MERTK: variants seen among roughly 807,000 people sequenced by gnomAD.
The protein encoded by MERTK is MER proto-oncogene, tyrosine kinase, also known as tyrosine-protein kinase Mer.
MERTK carries 69 observed loss-of-function variants against 99.3 expected under a neutral mutation model. That is an observed-to-expected ratio of 0.70 (90% CI 0.57 to 0.85). MERTK has a LOEUF of 0.85. Ranked by LOEUF, MERTK falls within the 40% of genes least tolerant of loss-of-function variation. MERTK has a pLI of 0.00. For missense variants in MERTK, 1,125 were observed against 1,249.4 expected (o/e 0.90, Z 1.50); for synonymous variants, 426 against 467.6 (o/e 0.91, Z 1.15).
intron 13 of MERTK, among the ~76,000 whole-genome samples, chr2:112,004,747 T>C (rs1246699507): frequency 6.6e-6 from 1 of 151,984 alleles, no homozygotes; most frequent in African/African-American, 2.4e-5. Flanking sequence ...CCGTCTCCAC[T>C]AAAAATACAA....
chr2:112,004,293 A>G (rs1313880093), intron 13 of MERTK, among the ~76,000 whole-genome samples: 1 of 151,724 alleles, frequency 6.6e-6, no homozygotes, highest in East Asian at 1.9e-4. Flanking sequence ...AGAGCTAACA[A>G]CTCCAAAGTA....
chr2:111,940,078 A>G (rs1684833835), intron 2 of MERTK, among the ~76,000 whole-genome samples: 1 of 151,122 alleles, frequency 6.6e-6, no homozygotes, highest in South Asian at 2.1e-4. Flanking sequence ...CCTGTTTCCT[A>G]GAGCCCAGGT....
chr2:111,960,122 C>G (rs1685218079), intron 4 of MERTK, among the ~76,000 whole-genome samples: 1 of 152,096 alleles, frequency 6.6e-6, no homozygotes, highest in African/African-American at 2.4e-5. Flanking sequence ...AGTCTCTTGA[C>G]CATATTTTGA....
chr2:111,913,125 A>G (rs1684283309), intron 1 of MERTK: 7 of 966,880 alleles, frequency 7.2e-6, no homozygotes, highest in Non-Finnish European at 8.6e-6. Context: ...TATTGAACAT[A>G]GATTTGTAAC....
At chr2:111,988,974 T>C (rs910350416) in intron 8 of MERTK, among the ~76,000 whole-genome samples, 1 of 152,080 alleles carries the variant, frequency 6.6e-6, no homozygotes, top group African/African-American at 2.4e-5. Flanking sequence ...AAAGATAATA[T>C]GCTCAATTTT....
At chr2:111,964,745 A>C (rs1045708224) in intron 4 of MERTK, among the ~76,000 whole-genome samples, 2 of 152,212 alleles carry the variant, frequency 1.3e-5, no homozygotes, top group Non-Finnish European at 2.9e-5. Flanking sequence ...GATTCATTAC[A>C]ACACATCATC....
At chr2:111,911,368 A>G (rs1192745608) in intron 1 of MERTK, among the ~76,000 whole-genome samples, 1 of 151,650 alleles carries the variant, frequency 6.6e-6, no homozygotes, top group African/African-American at 2.4e-5. Flanking sequence ...TATTTATCCA[A>G]TCTCCTCCTT....
At chr2:111,980,412 C>CTTTTTTTTTTT (rs34831521) in intron 7 of MERTK, among the ~76,000 whole-genome samples, 2 of 100,978 alleles carry the variant, frequency 2.0e-5, no homozygotes, top group African/African-American at 7.5e-5. Flanking sequence ...GCAACTATTT[C>CTTTTTTTTTTT]TTTTTTTTTT....
At chr2:111,954,538 G>A (rs1685114132) in intron 4 of MERTK, among the ~76,000 whole-genome samples, 1 of 152,206 alleles carries the variant, frequency 6.6e-6, no homozygotes, top group African/African-American at 2.4e-5. Flanking sequence ...GTGAATGAAT[G>A]AATGAACTAA....
At chr2:111,978,028 C>T (rs1163103684) in intron 7 of MERTK, among the ~76,000 whole-genome samples, 1 of 151,962 alleles carries the variant, frequency 6.6e-6, no homozygotes, top group East Asian at 1.9e-4. Flanking sequence ...CAGTCTTGAA[C>T]TCCTGGCTTA....
chr2:111,935,427 A>C (rs1387494039), intron 2 of MERTK, among the ~76,000 whole-genome samples: 1 of 152,156 alleles, frequency 6.6e-6, no homozygotes, highest in African/African-American at 2.4e-5. Context: ...AACTGGCACC[A>C]GGACTGGGGG....
At chr2:111,908,049 G>T (rs1684168209) in intron 1 of MERTK, among the ~76,000 whole-genome samples, 1 of 152,194 alleles carries the variant, frequency 6.6e-6, no homozygotes, top group Non-Finnish European at 1.5e-5. Flanking sequence ...CTTGGGCAGT[G>T]GTGGGGAGCC....
chr2:112,021,254 G>A (rs1558810652), intron 16 of MERTK, 168 bp from the exon 17 acceptor site: 1 of 393,928 alleles, frequency 2.5e-6, no homozygotes, highest in Non-Finnish European at 3.5e-6. Context: ...TCTGCTGTTG[G>A]TCCTCACTTG....
At chr2:111,929,790 G>A (rs1684638327) in intron 2 of MERTK, among the ~76,000 whole-genome samples, 1 of 147,484 alleles carries the variant, frequency 6.8e-6, no homozygotes, top group South Asian at 2.1e-4. Flanking sequence ...TTGTAGAGAT[G>A]AGGTTTCACC....
intron 2 of MERTK, among the ~76,000 whole-genome samples, chr2:111,939,565 C>G (rs1346754246): frequency 1.3e-5 from 2 of 151,324 alleles, no homozygotes; most frequent in African/African-American, 4.9e-5. Flanking sequence ...ACTGCAGCCT[C>G]AAATTCTTGG....
chr2:111,998,023 G>GTA (rs1676789104), intron 10 of MERTK, among the ~76,000 whole-genome samples: 1 of 152,214 alleles, frequency 6.6e-6, no homozygotes, highest in African/African-American at 2.4e-5. Context: ...AGTGAGGGGT[G>GTA]TATGGCTATA....
At position 111,921,751 on chromosome 2, in the gene MERTK, G is replaced by A. The variant is rs577817521; in HGVS notation, c.62-7369G>A. Among the ~76,000 whole-genome samples the A allele has an allele frequency of 8.6e-4, 131 of 152,098 alleles. 1 individual carries two copies. The highest frequency in any genetic ancestry group is 2.8e-3 in the African/African-American group (117 of 41,476). On this transcript the variant is annotated intron_variant, in intron 1 of 18. Coordinates refer to ENST00000295408, the MANE Select transcript of MERTK (RefSeq NM_006343.3). ...TCTTTTGCAGCCTCCTCTGGGCCTCGTTTTTCTTTTATTTCTATTTTTGGT... is the reference window on the plus strand; with the variant it reads ...TCTTTTGCAGCCTCCTCTGGGCCTCATTTTTCTTTTATTTCTATTTTTGGT...
In MERTK at chr2:111,966,617, A is replaced by G. The variant is rs1394077003; in HGVS notation, c.844+1340A>G. Among the ~76,000 whole-genome samples, 11 of 152,282 alleles carry G rather than the reference A, an allele frequency of 7.2e-5. No homozygotes were observed. In the East Asian group the frequency reaches 2.1e-3, roughly 29 times the overall value. On this transcript the variant is annotated intron_variant, in intron 5 of 18. Coordinates refer to ENST00000295408, the MANE Select transcript of MERTK (RefSeq NM_006343.3). ...TTTTATTCTATTAGATCATTCCCCA[A>G]ACTTCTGTTTTTGGCTTTCATTTAT...
At chr2:112,016,827 C>T (rs1373010794) in intron 15 of MERTK, among the ~76,000 whole-genome samples, 1 of 152,206 alleles carries the variant, frequency 6.6e-6, no homozygotes, top group African/African-American at 2.4e-5. Flanking sequence ...TGGTGGCTCA[C>T]GCCTGTAATC....
Sources: allele counts gnomAD v4.1 joint callset (sites outside exome capture counted in the v4.1 genomes callset), GRCh38; gene constraint gnomAD v4.1.1; transcripts MANE v1.5; gene names NCBI Gene and HGNC (gene_info 2026-07-23, HGNC 2026-07-21).